ENPP1: variants seen among roughly 807,000 people sequenced by gnomAD.
ENPP1 encodes the protein ectonucleotide pyrophosphatase/phosphodiesterase family member 1.
A neutral mutation model predicts 122.8 loss-of-function variants in ENPP1; 73 were observed. That is an observed-to-expected ratio of 0.59 (90% CI 0.49 to 0.72). The LOEUF (loss-of-function observed/expected upper bound fraction) is 0.72. Among genes scored for constraint, ENPP1 ranks in the 30% least tolerant of loss-of-function variants. ENPP1 has a pLI of 0.00. For missense variants in ENPP1, 978 were observed against 1,128.1 expected (o/e 0.87, Z 1.91); for synonymous variants, 367 against 391.6 (o/e 0.94, Z 0.74).
At position 131,884,917 on chromosome 6, in the gene ENPP1, C is replaced by A. The variant is rs1311049485; in HGVS notation, c.2312-14C>A. The A allele has an allele frequency of 1.2e-6, 2 of 1,613,922 alleles. No individual in the cohort carries two copies. Among genetic ancestry groups the A allele is most frequent in the Non-Finnish European group, 1.7e-6 (2 of 1,179,914 alleles). ...TGTTCTTTTGAAACTACACTGGCTTCTATCTTGTTTCAGTTATATGGCGCT... is the reference window on the plus strand; with the variant it reads ...TGTTCTTTTGAAACTACACTGGCTTATATCTTGTTTCAGTTATATGGCGCT... On this transcript the variant is annotated splice_polypyrimidine_tract_variant and intron_variant, in intron 22 of 24. Transcript: ENST00000647893.
chr6:131,816,650 A>T (rs964688596), intron 1 of ENPP1, among the ~76,000 whole-genome samples: 1 of 152,244 alleles, frequency 6.6e-6, no homozygotes, highest in Non-Finnish European at 1.5e-5. Context: ...TCTGAGATTT[A>T]GTTGCAAGAA....
chr6:131,810,267 G>A, intron 1 of ENPP1, among the ~76,000 whole-genome samples: 1 of 152,182 alleles, frequency 6.6e-6, no homozygotes, highest in Non-Finnish European at 1.5e-5. Context: ...TGACATGGGA[G>A]GTTCAGCTGA....
chr6:131,841,646 A>T (rs1332523832), intron 1 of ENPP1, among the ~76,000 whole-genome samples: 1 of 152,200 alleles, frequency 6.6e-6, no homozygotes. Flanking sequence ...TTATTTGTTG[A>T]ATGTTTACTT....
intron 1 of ENPP1, among the ~76,000 whole-genome samples, chr6:131,810,458 C>A (rs554413500): frequency 0.01 from 1,491 of 146,174 alleles, 21 homozygotes; most frequent in African/African-American, 0.035. Flanking sequence ...GCCCCCCCCC[C>A]AAAAACTTCC....
At chr6:131,878,342 G>A (rs1219593704) in intron 18 of ENPP1, among the ~76,000 whole-genome samples, 200 bp from the exon 19 acceptor site, 1 of 152,010 alleles carries the variant, frequency 6.6e-6, no homozygotes, top group Non-Finnish European at 1.5e-5. Context: ...GCTGCACTGA[G>A]TCATGATTGC....
At chr6:131,846,150 C>A (rs6926970) in intron 1 of ENPP1, among the ~76,000 whole-genome samples, 46,570 of 151,952 alleles carry the variant, frequency 0.31, 11,792 homozygotes, top group African/African-American at 0.7. Context: ...GTACATAGTC[C>A]GTACTCAATA....
intron 1 of ENPP1, among the ~76,000 whole-genome samples, chr6:131,810,094 C>G (rs549800769): frequency 6.6e-6 from 1 of 152,328 alleles, no homozygotes; most frequent in African/African-American, 2.4e-5. Flanking sequence ...TGCGGTGACT[C>G]ATACCTATTA....
At chr6:131,871,922 T>A in intron 13 of ENPP1, 148 bp from the exon 14 acceptor site, 1 of 665,432 alleles carries the variant, frequency 1.5e-6, no homozygotes, top group Non-Finnish European at 2.7e-6. Context: ...TTCCTTTCAG[T>A]GGCTACAATG....
At position 131,878,726 on chromosome 6, in the gene ENPP1, T is replaced by C. The variant is rs937779391; in HGVS notation, c.1945+133T>C. On this transcript the variant is annotated intron_variant, in intron 19 of 24. Transcript: ENST00000647893. The stretch of plus-strand genomic sequence containing the variant: ...ATAAAGGGAGTTCTGGAGGACCACC[T>C]GATGAAACATAGAGGTTTCTTTGCT... 5.5e-6 allele frequency: 4 copies of C among 728,216 alleles called. No homozygotes were observed. In the African/African-American group the frequency reaches 7.0e-5, roughly 13 times the overall value. 45.1% of individuals were successfully genotyped at this position (728,216 alleles called of 1,614,324 possible).
At chr6:131,861,558 G>C in intron 8 of ENPP1, 37 bp from the exon 9 acceptor site, 1 of 1,257,094 alleles carries the variant, frequency 8.0e-7, no homozygotes. Context: ...ATGAATGTTT[G>C]CATGATTTCT....
chr6:131,894,293 T>TTTTC lies in ENPP1; in HGVS notation c.*3785_*3786insCTTT, dbSNP rs1782515303. 1.3e-5 allele frequency: 2 copies of TTTTC among 150,888 alleles called. No individual in the cohort carries two copies. Among genetic ancestry groups the TTTTC allele is most frequent in the African/African-American group, 4.9e-5 (2 of 40,892 alleles). The allele number at this position is 150,888 out of a possible 1,614,324, so 9.3% of individuals were successfully genotyped here. A position where few individuals can be genotyped will look rare whatever the true frequency, so the allele number is the denominator to read the frequency against. ...CTGTCATGCCTCACATCAGTCCTTT[T>TTTTC]TTTTTTTTTTGAGACAGAGTCTCGC... is the stretch of plus-strand genomic sequence containing the variant. On this transcript the variant is annotated 3_prime_UTR_variant, in exon 25 of 25. Coordinates refer to ENST00000647893, the MANE Select transcript of ENPP1 (RefSeq NM_006208.3).
intron 1 of ENPP1, among the ~76,000 whole-genome samples, chr6:131,846,446 T>C (rs1361336093): frequency 2.0e-5 from 3 of 152,126 alleles, no homozygotes; most frequent in Admixed American, 2.0e-4. Context: ...TGTCCTCTCT[T>C]TCCTTCCTCC....
intron 5 of ENPP1, among the ~76,000 whole-genome samples, chr6:131,852,888 G>GT (rs1781899287): frequency 6.6e-6 from 1 of 150,848 alleles, no homozygotes; most frequent in African/African-American, 2.4e-5. Context: ...ATTCATATTT[G>GT]GTTTTTTTGT....
intron 1 of ENPP1, among the ~76,000 whole-genome samples, chr6:131,819,113 T>C (rs376075017): frequency 4.6e-5 from 7 of 152,284 alleles, no homozygotes; most frequent in African/African-American, 1.4e-4. Flanking sequence ...TTTAATGACA[T>C]GCGTTAACAT....
chr6:131,856,413 C>T (rs964878000), intron 6 of ENPP1, among the ~76,000 whole-genome samples: 12 of 149,652 alleles, frequency 8.0e-5, no homozygotes, highest in East Asian at 2.0e-4. Context: ...GAGTAGGTTG[C>T]GAAAATTTTC....
In ENPP1 at chr6:131,886,628, C is replaced by T. The variant is rs756840964; in HGVS notation, c.2511C>T (p.Ser837=). Residue 837 remains serine (S), a synonymous_variant, in exon 24 of 25, where the codon AGC becomes AGT. Transcript: ENST00000647893. ...CTCACTTCTTTATTGTGCTAACAAGCTGTAAAGATACATCTCAGACGCCTT... is the reference window on the plus strand; with the variant it reads ...CTCACTTCTTTATTGTGCTAACAAGTTGTAAAGATACATCTCAGACGCCTT... ...IPTHFFIVLT[S]CKDTSQTPLH... is the part of the protein sequence containing the mutation. 2 of 1,613,862 alleles carry T rather than the reference C, an allele frequency of 1.2e-6. No individual in the cohort carries two copies. The highest frequency in any genetic ancestry group is 1.3e-5 in the African/African-American group (1 of 75,050).
intron 19 of ENPP1, among the ~76,000 whole-genome samples, chr6:131,879,400 T>C (rs184737733): frequency 5.2e-4 from 77 of 146,988 alleles, no homozygotes; most frequent in African/African-American, 1.9e-3. Context: ...AAATTAGTTA[T>C]ATGATGTGTA....
At chr6:131,827,146 T>G (rs1219007614) in intron 1 of ENPP1, 1 of 727,370 alleles carries the variant, frequency 1.4e-6, no homozygotes, top group African/African-American at 1.7e-5. Context: ...CATAAAAAGA[T>G]GCAGTTCTAT....
intron 1 of ENPP1, among the ~76,000 whole-genome samples, chr6:131,824,469 G>GTTGTT (rs57062044): frequency 0.35 from 52,803 of 151,202 alleles, 9,796 homozygotes; most frequent in East Asian, 0.44. Context: ...TGTTGTTGTT[G>GTTGTT]TTTGAGACGG....
Sources: allele counts gnomAD v4.1 joint callset (sites outside exome capture counted in the v4.1 genomes callset), GRCh38; gene constraint gnomAD v4.1.1; transcripts MANE v1.5; gene names NCBI Gene and HGNC (gene_info 2026-07-23, HGNC 2026-07-21).